Variants in RAC1 observed in about 807,000 individuals in gnomAD.
The protein encoded by RAC1 is ras-related C3 botulinum toxin substrate 1.
RAC1 carries 2 observed loss-of-function variants against 25.2 expected under a neutral mutation model. That is an observed-to-expected ratio of 0.08 (90% confidence interval 0.03 to 0.25). The LOEUF is 0.25. Among genes scored for constraint, RAC1 ranks in the 10% least tolerant of loss-of-function variants. RAC1 has a pLI of 1.00. For synonymous variants in RAC1, 88 were observed against 94.0 expected, an observed-to-expected ratio of 0.94 and a Z score of 0.37; for missense variants, 50 against 235.7, an observed-to-expected ratio of 0.21 and a Z score of 5.16.
chr7:6,401,834 C>T (rs764134482), intron 4 of RAC1, 34 bp from the exon 5 acceptor site: 14 of 1,590,974 alleles, frequency 8.8e-6, no homozygotes, highest in Middle Eastern at 1.7e-4. Context: ...TGTAAAGGAG[C>T]GTGTCACAAC....
At chr7:6,388,230 A>G (rs1782977993) in intron 2 of RAC1, among the ~76,000 whole-genome samples, 1 of 151,954 alleles carries the variant, frequency 6.6e-6, no homozygotes, top group Admixed American at 6.6e-5. Flanking sequence ...CTCCCTGTGC[A>G]GGCTGGGGAG....
rs1463263576 is a variant in RAC1 at position 6,389,989 on chromosome 7, CCTCTCCCTCCCT to C, written c.108-1924_108-1913del. On this transcript the variant is annotated intron_variant, in intron 2 of 5. Coordinates refer to ENST00000348035, the MANE Select transcript of RAC1 (RefSeq NM_006908.5). Reference sequence around the variant, plus strand: ...TCCCTTCCTTTCTTCCCTCCCTCCTCCTCTCCCTCCCTCTCTCCCTCCTTCCCTCCTCTCCTA... The same window carrying C: ...TCCCTTCCTTTCTTCCCTCCCTCCTCCTCTCCCTCCTTCCCTCCTCTCCTA... Among the ~76,000 whole-genome samples, 11 of 121,408 alleles carry C rather than the reference CCTCTCCCTCCCT, an allele frequency of 9.1e-5. No homozygotes were observed. In the East Asian group the frequency reaches 2.1e-3, roughly 24 times the overall value. 79.6% of individuals were successfully genotyped at this position (121,408 alleles called of 152,430 possible). A position where few individuals can be genotyped will look rare whatever the true frequency, so the allele number is the denominator to read the frequency against.
At chr7:6,395,276 G>A (rs1178394938) in intron 3 of RAC1, among the ~76,000 whole-genome samples, 1 of 151,758 alleles carries the variant, frequency 6.6e-6, no homozygotes. Flanking sequence ...AGTGCTAGAG[G>A]TTTTAAAGTG....
chr7:6,402,600 C>T lies in RAC1; in HGVS notation c.*154C>T. 1.5e-6 allele frequency: 1 copy of T among 663,686 alleles called. No homozygotes were observed. The highest frequency in any genetic ancestry group is 2.2e-6 in the Non-Finnish European group (1 of 460,092). The allele number at this position is 663,686 out of a possible 1,614,324, so 41.1% of individuals were successfully genotyped here. A position where few individuals can be genotyped will look rare whatever the true frequency, so the allele number is the denominator to read the frequency against. Reference sequence around the variant, plus strand: ...TTACAGATTAATTTTTCCATAAAACCATTTTTTGAACCAATCAGTAATTTT... The same window carrying T: ...TTACAGATTAATTTTTCCATAAAACTATTTTTTGAACCAATCAGTAATTTT... On this transcript the variant is annotated 3_prime_UTR_variant, in exon 6 of 6. Coordinates refer to ENST00000348035, the MANE Select transcript of RAC1 (RefSeq NM_006908.5).
intron 3 of RAC1, among the ~76,000 whole-genome samples, chr7:6,396,027 C>T (rs1783227004): frequency 6.6e-6 from 1 of 152,090 alleles, no homozygotes. Context: ...CACTTACCAC[C>T]GAGGAGGGAG....
At chr7:6,395,420 C>G (rs2115206755) in intron 3 of RAC1, among the ~76,000 whole-genome samples, 1 of 152,330 alleles carries the variant, frequency 6.6e-6, no homozygotes, top group African/African-American at 2.4e-5. Context: ...CAGGCACACA[C>G]ATGTGGTTCC....
At chr7:6,389,218 A>G (rs3062051) in intron 2 of RAC1, among the ~76,000 whole-genome samples, 1 of 144,700 alleles carries the variant, frequency 6.9e-6, no homozygotes, top group Non-Finnish European at 1.5e-5. Context: ...AAAAAAAAAA[A>G]TTAAAAAATT....
rs982298366 is a variant in RAC1, at chr7:6,401,122, A to G, written c.289-746A>G. ...AGGTGCCCGCCAACACACCTGGCTA[A>G]TTTTTGTACTTTTAGTAGAGACGGG... On this transcript the variant is annotated intron_variant, in intron 4 of 5. Transcript: ENST00000348035. 6.5e-4 allele frequency among the ~76,000 whole-genome samples: 98 copies of G among 151,846 alleles called. 1 individual carries two copies. Among genetic ancestry groups the G allele is most frequent in the African/African-American group, 2.1e-3 (86 of 41,372 alleles).
intron 4 of RAC1, 75 bp from the exon 5 acceptor site, chr7:6,401,793 C>A: frequency 6.6e-7 from 1 of 1,508,946 alleles, no homozygotes; most frequent in East Asian, 2.3e-5. Flanking sequence ...ATGAGTGCCG[C>A]CGGCTGGGTG....
At chr7:6,380,550 C>T (rs1372957991) in intron 1 of RAC1, among the ~76,000 whole-genome samples, 1 of 152,166 alleles carries the variant, frequency 6.6e-6, no homozygotes, top group Non-Finnish European at 1.5e-5. Context: ...CCTACTTTTT[C>T]ACATCTCCAT....
At chr7:6,381,953 C>G (rs1782777607) in intron 1 of RAC1, among the ~76,000 whole-genome samples, 1 of 152,088 alleles carries the variant, frequency 6.6e-6, no homozygotes, top group South Asian at 2.1e-4. Context: ...ATATATTTGA[C>G]AGTTACTAAA....
intron 3 of RAC1, among the ~76,000 whole-genome samples, chr7:6,392,928 C>T (rs1193626414): frequency 1.3e-5 from 2 of 152,172 alleles, no homozygotes; most frequent in South Asian, 2.1e-4. Flanking sequence ...CATAACAGTC[C>T]TGGGCACATA....
At chr7:6,377,811 A>G (rs1224341812) in intron 1 of RAC1, among the ~76,000 whole-genome samples, 2 of 151,966 alleles carry the variant, frequency 1.3e-5, no homozygotes, top group Non-Finnish European at 2.9e-5. Context: ...AGGTTGAGGC[A>G]GGAGAATCGC....
chr7:6,381,817 G>A (rs1782773569), intron 1 of RAC1, among the ~76,000 whole-genome samples: 1 of 152,160 alleles, frequency 6.6e-6, no homozygotes, highest in Admixed American at 6.6e-5. Flanking sequence ...TTTCTGGACA[G>A]ATTTTATCTG....
At chr7:6,399,723 G>C (rs1208946905) in intron 3 of RAC1, 1 of 164,342 alleles carries the variant, frequency 6.1e-6, no homozygotes, top group Non-Finnish European at 1.3e-5. Flanking sequence ...TGAAGAAGCA[G>C]TTTAATTGGA....
chr7:6,395,663 T>C (rs1386982733), intron 3 of RAC1, among the ~76,000 whole-genome samples: 1 of 152,338 alleles, frequency 6.6e-6, no homozygotes, highest in Non-Finnish European at 1.5e-5. Flanking sequence ...TCTCTGATGT[T>C]AGTGTTCTGC....
chr7:6,400,634 G>GT (rs1025361286), intron 4 of RAC1, among the ~76,000 whole-genome samples: 2 of 152,000 alleles, frequency 1.3e-5, no homozygotes, highest in Non-Finnish European at 2.9e-5. Context: ...CCCATCAGCA[G>GT]TTTATTTTAT....
intron 2 of RAC1, among the ~76,000 whole-genome samples, chr7:6,389,633 T>C (rs1292457813): frequency 6.6e-6 from 1 of 152,064 alleles, no homozygotes; most frequent in Non-Finnish European, 1.5e-5. Flanking sequence ...TGAGCCAAGA[T>C]TGTGCCTCTG....
Position 6,395,131 on chromosome 7 carries a change from A to G in RAC1, c.225+3090A>G, listed in dbSNP as rs116906269. On this transcript the variant is annotated intron_variant, in intron 3 of 5. Transcript: ENST00000348035. Reference sequence around the variant, plus strand: ...GGCCTCCCCAAGTGCTGGGATTACAAATTTTGTATTTTTAGTAGAGACGGG... The same window carrying G: ...GGCCTCCCCAAGTGCTGGGATTACAGATTTTGTATTTTTAGTAGAGACGGG... Among the ~76,000 whole-genome samples the G allele has an allele frequency of 6.2e-3, 938 of 151,776 alleles. 5 individuals carry two copies. Among genetic ancestry groups the G allele is most frequent in the South Asian group, 0.035 (167 of 4,800 alleles).
Sources: allele counts gnomAD v4.1 joint callset (sites outside exome capture counted in the v4.1 genomes callset), GRCh38; gene constraint gnomAD v4.1.1; transcripts MANE v1.5; gene names NCBI Gene and HGNC (gene_info 2026-07-23, HGNC 2026-07-21).